AFF3: variants seen among roughly 807,000 people sequenced by gnomAD.
AFF3 encodes the protein ALF transcription elongation factor 3, also known as AF4/FMR2 family member 3.
In AFF3, 32 loss-of-function variants were observed where a neutral mutation model predicts 129.7. The observed-to-expected ratio is 0.25, with a 90% confidence interval of 0.19 to 0.33. The LOEUF (loss-of-function observed/expected upper bound fraction) is 0.33, where lower values mean the gene tolerates loss of function less well. Ranked by LOEUF, AFF3 falls within the 10% of genes least tolerant of loss-of-function variation. The probability of loss-of-function intolerance (pLI) is 1.00; values close to 1 mark genes in which losing one functional copy is unlikely to be tolerated. For synonymous variants in AFF3, 644 were observed against 635.4 expected, an observed-to-expected ratio of 1.01 and a Z score of -0.20; for missense variants, 1,373 against 1,592.0, an observed-to-expected ratio of 0.86 and a Z score of 2.34.
At chr2:100,051,309 A>G (rs891279208) in intron 4 of AFF3, among the ~76,000 whole-genome samples, 5 of 152,196 alleles carry the variant, frequency 3.3e-5, no homozygotes, top group Non-Finnish European at 7.3e-5. Flanking sequence ...ATACGAGCTG[A>G]GCCCACGCAA....
At chr2:99,695,521 A>G (rs1676126127) in intron 11 of AFF3, among the ~76,000 whole-genome samples, 1 of 152,106 alleles carries the variant, frequency 6.6e-6, no homozygotes, top group African/African-American at 2.4e-5. Flanking sequence ...ACTGCAGGGG[A>G]AAAAAATCTG....
At chr2:99,631,075 T>TG in intron 13 of AFF3, 1 of 400,678 alleles carries the variant, frequency 2.5e-6, no homozygotes. Context: ...GAACACGGAG[T>TG]GGGGCTCAGG....
At chr2:99,894,365 G>A (rs1293309556) in intron 7 of AFF3, among the ~76,000 whole-genome samples, 1 of 152,104 alleles carries the variant, frequency 6.6e-6, no homozygotes, top group East Asian at 1.9e-4. Flanking sequence ...AAGGGAGGAG[G>A]AAGGGAAGAA....
At chr2:99,653,671 G>A (rs568740481) in intron 12 of AFF3, among the ~76,000 whole-genome samples, 2 of 152,328 alleles carry the variant, frequency 1.3e-5, no homozygotes, top group Non-Finnish European at 2.9e-5. Context: ...TGAGTTGGAA[G>A]CTTAGAGCAA....
At chr2:99,983,721 G>C (rs1263820857) in intron 7 of AFF3, among the ~76,000 whole-genome samples, 1 of 152,164 alleles carries the variant, frequency 6.6e-6, no homozygotes, top group Non-Finnish European at 1.5e-5. Flanking sequence ...TTAATGGACT[G>C]AGTTACTCAG....
intron 10 of AFF3, among the ~76,000 whole-genome samples, chr2:99,733,047 T>C (rs970869827): frequency 2.2e-4 from 34 of 152,232 alleles, no homozygotes; most frequent in African/African-American, 7.9e-4. Flanking sequence ...GAGTCATACA[T>C]ATAGTCGTGT....
intron 2 of AFF3, among the ~76,000 whole-genome samples, chr2:100,121,436 C>A (rs1165960847): frequency 6.6e-6 from 1 of 152,172 alleles, no homozygotes; most frequent in African/African-American, 2.4e-5. Context: ...TAGGCTAAAG[C>A]AGTGGCTTCT....
chr2:100,140,596 T>C (rs1692823490), intron 1 of AFF3, among the ~76,000 whole-genome samples: 1 of 152,180 alleles, frequency 6.6e-6, no homozygotes, highest in African/African-American at 2.4e-5. Flanking sequence ...AATAACAAAA[T>C]GTGTGTAAAA....
At chr2:99,715,156 G>T (rs1357736530) in intron 11 of AFF3, among the ~76,000 whole-genome samples, 1 of 152,204 alleles carries the variant, frequency 6.6e-6, no homozygotes, top group Non-Finnish European at 1.5e-5. Flanking sequence ...TTGGAGAAGA[G>T]CTCACTCTGG....
At chr2:99,747,150 TC>T (rs1399329211) in intron 9 of AFF3, among the ~76,000 whole-genome samples, 1 of 151,818 alleles carries the variant, frequency 6.6e-6, no homozygotes, top group Non-Finnish European at 1.5e-5. Flanking sequence ...TGCCTCAGCA[TC>T]CCGAGTAGCT....
At chr2:99,881,140 A>G (rs1692681749) in intron 7 of AFF3, among the ~76,000 whole-genome samples, 1 of 152,216 alleles carries the variant, frequency 6.6e-6, no homozygotes. Context: ...ATGGAAGTTA[A>G]TAAGTAGGTG....
intron 10 of AFF3, among the ~76,000 whole-genome samples, chr2:99,741,355 G>A (rs1224682819): frequency 6.6e-6 from 1 of 152,104 alleles, no homozygotes; most frequent in African/African-American, 2.4e-5. Context: ...TAAGCTGAGA[G>A]GCAACTTCAG....
chr2:99,936,392 G>C (rs1172665941), intron 7 of AFF3, among the ~76,000 whole-genome samples: 1 of 152,098 alleles, frequency 6.6e-6, no homozygotes, highest in Non-Finnish European at 1.5e-5. Context: ...ACCCTAATCA[G>C]ACCACCCAGA....
intron 11 of AFF3, chr2:99,707,708 T>C (rs1677533621): frequency 2.1e-6 from 2 of 960,536 alleles, no homozygotes; most frequent in Non-Finnish European, 2.5e-6. Context: ...CCTTTTTTTT[T>C]TTTTTCTTTT....
At chr2:99,980,661 T>C (rs1393927583) in intron 7 of AFF3, among the ~76,000 whole-genome samples, 1 of 152,222 alleles carries the variant, frequency 6.6e-6, no homozygotes, top group Non-Finnish European at 1.5e-5. Context: ...TTTATCCAGG[T>C]TAATTCTCTT....
At chr2:100,072,537 G>A (rs959704701) in intron 4 of AFF3, among the ~76,000 whole-genome samples, 13 of 152,242 alleles carry the variant, frequency 8.5e-5, no homozygotes, top group South Asian at 2.1e-4. Flanking sequence ...GTTGGGCTGG[G>A]GCAGGCTTGC....
chr2:100,069,550 C>T (rs544820014), intron 4 of AFF3, among the ~76,000 whole-genome samples: 1 of 152,068 alleles, frequency 6.6e-6, no homozygotes, highest in South Asian at 2.1e-4. Flanking sequence ...ACATTTTCTG[C>T]AATATATGAT....
At chr2:99,962,513 T>G (rs1677325894) in intron 7 of AFF3, among the ~76,000 whole-genome samples, 1 of 152,142 alleles carries the variant, frequency 6.6e-6, no homozygotes, top group African/African-American at 2.4e-5. Flanking sequence ...AACAATGAAC[T>G]ATAAACTATC....
At chr2:100,135,671 A>G (rs550440197) in intron 1 of AFF3, among the ~76,000 whole-genome samples, 2 of 152,194 alleles carry the variant, frequency 1.3e-5, no homozygotes, top group African/African-American at 4.8e-5. Flanking sequence ...TTGAGCCACC[A>G]TGGTTTAGGG....
Sources: allele counts gnomAD v4.1 joint callset (sites outside exome capture counted in the v4.1 genomes callset), GRCh38; gene constraint gnomAD v4.1.1; transcripts MANE v1.5; gene names NCBI Gene and HGNC (gene_info 2026-07-23, HGNC 2026-07-21).